The following INO80D variants were observed in gnomAD, a reference collection of about 807,000 sequenced individuals.
The protein encoded by INO80D is INO80 complex subunit D.
A neutral mutation model predicts 87.6 loss-of-function variants in INO80D; 21 were observed. That is an observed-to-expected ratio of 0.24 (90% confidence interval 0.17 to 0.35). The LOEUF is 0.35. INO80D is among the 10% of genes least tolerant of loss of function. The probability of loss-of-function intolerance (pLI) is 1.00; values close to 1 mark genes in which losing one functional copy is unlikely to be tolerated. For missense variants in INO80D, 982 were observed against 1,280.7 expected (o/e 0.77, Z 3.56); for synonymous variants, 440 against 491.0 (o/e 0.90, Z 1.37).
At position 206,001,590 on chromosome 2, in the gene INO80D, T is replaced by C. The variant is rs1687908648; in HGVS notation, c.*2778A>G. 1 of 152,208 alleles carries C rather than the reference T, an allele frequency of 6.6e-6. No individual in the cohort carries two copies. Among genetic ancestry groups the C allele is most frequent in the Non-Finnish European group, 1.5e-5 (1 of 68,032 alleles). 9.4% of individuals were successfully genotyped at this position (152,208 alleles called of 1,614,324 possible). A position where few individuals can be genotyped will look rare whatever the true frequency, so the allele number is the denominator to read the frequency against. ...AAGCCACTTCATTCCTTTCTATACA[T>C]ATTAATAGCAAAGTTCCTACTAATA... On this transcript the variant is annotated 3_prime_UTR_variant, in exon 11 of 11. Transcript: ENST00000403263.
intron 3 of INO80D, among the ~76,000 whole-genome samples, chr2:206,059,233 T>C (rs2105886101): frequency 6.6e-6 from 1 of 151,740 alleles, no homozygotes; most frequent in South Asian, 2.1e-4. Flanking sequence ...ATACAAAAAT[T>C]AGCCGGGTGT....
At chr2:206,028,065 G>A in intron 6 of INO80D, 46 bp downstream of exon 6, 1 of 1,333,584 alleles carries the variant, frequency 7.5e-7, no homozygotes, top group East Asian at 2.6e-5. Flanking sequence ...AATAAAGAAA[G>A]CAAACTGAGA....
In INO80D at chr2:206,005,381, C is replaced by T. The variant is rs750657046; in HGVS notation, c.2071G>A (p.Gly691Arg). ...GCTCCAGTACCTGTGGAGAACACCC[C>T]TATTCCTCTATCTGACAACTCCTGG... ...PVQELSDRGIGVFSTGTGASG... is the reference protein window; with the variant it reads ...PVQELSDRGIRVFSTGTGASG... Residue 691 changes from glycine to arginine, a missense_variant, in exon 11 of 11, where the codon GGG becomes AGG. Gly to Arg is a moderately radical substitution (Grantham distance 125). Coordinates refer to ENST00000403263, the MANE Select transcript of INO80D (RefSeq NM_017759.5). 1 of 1,613,980 alleles carries T rather than the reference C, an allele frequency of 6.2e-7. No homozygotes were observed. Among genetic ancestry groups the T allele is most frequent in the Non-Finnish European group, 8.5e-7 (1 of 1,179,898 alleles).
chr2:206,005,690 A>G (rs916368887), intron 10 of INO80D, among the ~76,000 whole-genome samples, 157 bp from the exon 11 acceptor site: 1 of 152,216 alleles, frequency 6.6e-6, no homozygotes, highest in Non-Finnish European at 1.5e-5. Context: ...AAAGTGAAAT[A>G]ATGGTCTGCA....
rs1490534608 is a variant in INO80D, at chr2:206,085,932, C to G, written c.-155G>C. On this transcript the variant is annotated 5_prime_UTR_variant, in exon 1 of 11. Coordinates refer to ENST00000403263, the MANE Select transcript of INO80D (RefSeq NM_017759.5). This position sits in a 1 kb window ranked among gnomAD's most constrained non-coding sequence, Gnocchi z 4.5. ...GCTGCTTTTTTTTTTCTCCTTCCCC[C>G]CTGTTCCCTCGGCTGGGCTGACAGA... 6 of 152,786 alleles carry G rather than the reference C, an allele frequency of 3.9e-5. No individual in the cohort carries two copies. The highest frequency in any genetic ancestry group is 5.8e-5 in the Non-Finnish European group (4 of 68,514). The allele number at this position is 152,786 out of a possible 1,614,324, so 9.5% of individuals were successfully genotyped here.
chr2:206,047,800 G>T (rs145420409), intron 4 of INO80D, among the ~76,000 whole-genome samples: 7 of 152,118 alleles, frequency 4.6e-5, no homozygotes, highest in Non-Finnish European at 1.0e-4. Flanking sequence ...TCCATGGGAA[G>T]ATGGAAGGGT....
At chr2:206,016,643 C>T (rs77373839) in intron 8 of INO80D, among the ~76,000 whole-genome samples, 4,168 of 152,194 alleles carry the variant, frequency 0.027, 87 homozygotes, top group South Asian at 0.044. Context: ...ACTCTGTGTC[C>T]CCACCCAAAT....
intron 5 of INO80D, among the ~76,000 whole-genome samples, chr2:206,031,289 C>T (rs915734207): frequency 6.6e-6 from 1 of 151,656 alleles, no homozygotes; most frequent in Non-Finnish European, 1.5e-5. Flanking sequence ...ATATAAGGGC[C>T]ATTATCATAA....
At chr2:206,025,569 A>ATATAT (rs1559439742) in intron 6 of INO80D, 6 of 120,858 alleles carry the variant, frequency 5.0e-5, no homozygotes, top group South Asian at 2.5e-4. Flanking sequence ...ATATATATAT[A>ATATAT]AAATAACTAA....
chr2:206,040,020 C>T (rs114494905), intron 5 of INO80D, among the ~76,000 whole-genome samples: 10,268 of 151,696 alleles, frequency 0.068, 567 homozygotes, highest in Admixed American at 0.19. Context: ...GGCCCAGGCG[C>T]GGTGACTCAC....
chr2:206,051,489 A>G (rs1335528220), intron 4 of INO80D, among the ~76,000 whole-genome samples: 1 of 152,162 alleles, frequency 6.6e-6, no homozygotes, highest in Admixed American at 6.5e-5. Flanking sequence ...AAATATATGG[A>G]TGGAAGAAGT....
At chr2:206,020,763 GC>G (rs1688441689) in intron 6 of INO80D, among the ~76,000 whole-genome samples, 2 of 151,856 alleles carry the variant, frequency 1.3e-5, no homozygotes, top group Non-Finnish European at 2.9e-5. Context: ...TAATTTGCCA[GC>G]CCCCACTCCC....
At chr2:206,036,569 T>C (rs1050941140) in intron 5 of INO80D, among the ~76,000 whole-genome samples, 2 of 152,104 alleles carry the variant, frequency 1.3e-5, no homozygotes, top group Non-Finnish European at 2.9e-5. Flanking sequence ...CACTGGACTT[T>C]GGGGACTTGG....
At chr2:206,065,171 T>G (rs923881532) in intron 1 of INO80D, among the ~76,000 whole-genome samples, 1 of 152,104 alleles carries the variant, frequency 6.6e-6, no homozygotes, top group African/African-American at 2.4e-5. Flanking sequence ...GTTTATGAGT[T>G]AAGATCTGAA....
chr2:206,065,088 A>C (rs935180529), intron 1 of INO80D, among the ~76,000 whole-genome samples: 2 of 152,216 alleles, frequency 1.3e-5, no homozygotes, highest in Admixed American at 1.3e-4. Context: ...AAATGGATCA[A>C]AGACCTAATT....
chr2:206,071,579 T>C (rs1689974708), intron 1 of INO80D, among the ~76,000 whole-genome samples: 1 of 148,278 alleles, frequency 6.7e-6, no homozygotes, highest in African/African-American at 2.5e-5. Flanking sequence ...TTCATTTTTA[T>C]TTGTTCCATT....
chr2:206,076,132 G>C (rs1460817255), intron 1 of INO80D, among the ~76,000 whole-genome samples: 1 of 150,012 alleles, frequency 6.7e-6, no homozygotes, highest in African/African-American at 2.4e-5. Context: ...GGCCACGGCA[G>C]AAGGATTACT....
chr2:206,050,546 G>A (rs984764220), intron 4 of INO80D, among the ~76,000 whole-genome samples: 26 of 132,722 alleles, frequency 2.0e-4, no homozygotes, highest in African/African-American at 3.9e-4. Context: ...CAGCCCCTAA[G>A]ATGACATAAT....
chr2:206,021,382 ATG>A (rs1688459941), intron 6 of INO80D, among the ~76,000 whole-genome samples: 3 of 152,244 alleles, frequency 2.0e-5, no homozygotes, highest in African/African-American at 7.2e-5. Flanking sequence ...CTTAACTAAG[ATG>A]TCTACAAGAT....
Sources: gnomAD v4.1 joint callset for allele counts (sites outside exome capture counted in the v4.1 genomes callset) on GRCh38, gnomAD v4.1.1 for gene constraint, Gnocchi (gnomAD v3.1) non-coding constraint, MANE v1.5 for transcripts, NCBI Gene and HGNC (gene_info 2026-07-23, HGNC 2026-07-21) for gene names.